Variants in TAFA1 observed in about 807,000 individuals in gnomAD.
The protein encoded by TAFA1 is TAFA chemokine like family member 1, also known as chemokine-like protein TAFA-1.
In TAFA1, 4 loss-of-function variants were observed where a neutral mutation model predicts 18.5. The observed-to-expected ratio is 0.22, with a 90% CI of 0.11 to 0.49. The LOEUF (loss-of-function observed/expected upper bound fraction) is 0.49. TAFA1 is among the 20% of genes least tolerant of loss of function. The pLI is 0.98. For synonymous variants in TAFA1, 56 were observed against 55.2 expected, an observed-to-expected ratio of 1.01 and a Z score of -0.06; for missense variants, 147 against 169.0, an observed-to-expected ratio of 0.87 and a Z score of 0.72.
At chr3:68,110,304 A>G (rs550927932) in intron 2 of TAFA1, among the ~76,000 whole-genome samples, 1 of 152,290 alleles carries the variant, frequency 6.6e-6, no homozygotes, top group East Asian at 1.9e-4. Context: ...AAAGAACATG[A>G]GCTCATTCCT....
At chr3:68,327,667 G>A (rs1286192486) in intron 2 of TAFA1, among the ~76,000 whole-genome samples, 1 of 152,196 alleles carries the variant, frequency 6.6e-6, no homozygotes, top group Admixed American at 6.5e-5. Context: ...CACAAAGTGA[G>A]TACTCAACAA....
At chr3:68,533,947 G>A (rs1246380097) in intron 3 of TAFA1, among the ~76,000 whole-genome samples, 2 of 152,236 alleles carry the variant, frequency 1.3e-5, no homozygotes, top group East Asian at 3.9e-4. Context: ...CATGTAACAT[G>A]TCAATCAGAA....
rs547628636 is a variant in TAFA1 at position 68,131,324 on chromosome 3, C to T, written c.118+124580C>T. 4.1e-4 allele frequency among the ~76,000 whole-genome samples: 63 copies of T among 152,218 alleles called. No individual in the cohort carries two copies. The East Asian group carries it at 4.6e-3, about 11-fold the overall frequency. Reference sequence around the variant, plus strand: ...CTCTGAACACACAGACACACGCACACGCACGCACACACACACATAAGAGGA... The same window carrying T: ...CTCTGAACACACAGACACACGCACATGCACGCACACACACACATAAGAGGA... On this transcript the variant is annotated intron_variant, in intron 2 of 4. Transcript: ENST00000478136.
chr3:68,206,567 A>G (rs77060863), intron 2 of TAFA1, among the ~76,000 whole-genome samples: 135 of 152,054 alleles, frequency 8.9e-4, no homozygotes, highest in African/African-American at 3.2e-3. Flanking sequence ...TATGAGAATA[A>G]AAAATAATGA....
chr3:68,406,765 T>G (rs1424855717), intron 2 of TAFA1, among the ~76,000 whole-genome samples: 1 of 152,224 alleles, frequency 6.6e-6, no homozygotes, highest in Non-Finnish European at 1.5e-5. Flanking sequence ...ATCCATTACA[T>G]GAGTTCCCTT....
intron 2 of TAFA1, among the ~76,000 whole-genome samples, chr3:68,122,712 C>A (rs1394766569): frequency 6.6e-6 from 1 of 151,882 alleles, no homozygotes. Context: ...ATAAATAGAA[C>A]TTGAAATAAA....
chr3:68,461,091 G>A (rs1303000880), intron 3 of TAFA1, among the ~76,000 whole-genome samples: 4 of 151,912 alleles, frequency 2.6e-5, no homozygotes, highest in African/African-American at 7.2e-5. Flanking sequence ...AGACCAGCTT[G>A]ACCAACATAG....
At chr3:68,426,910 A>G (rs1008507118) in intron 3 of TAFA1, among the ~76,000 whole-genome samples, 2 of 151,910 alleles carry the variant, frequency 1.3e-5, no homozygotes, top group Non-Finnish European at 2.9e-5. Flanking sequence ...TGTTATTTTA[A>G]TGTGAAAACT....
At chr3:68,164,854 C>T (rs570138757) in intron 2 of TAFA1, among the ~76,000 whole-genome samples, 1 of 152,242 alleles carries the variant, frequency 6.6e-6, no homozygotes, top group Admixed American at 6.5e-5. Flanking sequence ...GTATAAACAC[C>T]TCTGCATATC....
At chr3:68,366,895 G>T (rs2069583681) in intron 2 of TAFA1, among the ~76,000 whole-genome samples, 1 of 152,132 alleles carries the variant, frequency 6.6e-6, no homozygotes, top group Non-Finnish European at 1.5e-5. Flanking sequence ...TCTATCTAGA[G>T]CCTGATCATG....
intron 2 of TAFA1, among the ~76,000 whole-genome samples, chr3:68,223,916 G>T (rs566226820): frequency 1.3e-5 from 2 of 151,610 alleles, no homozygotes; most frequent in East Asian, 1.9e-4. Flanking sequence ...CCATGTTTAT[G>T]TGACTACCTC....
chr3:68,175,192 C>T (rs1167695390), intron 2 of TAFA1, among the ~76,000 whole-genome samples: 1 of 152,182 alleles, frequency 6.6e-6, no homozygotes, highest in East Asian at 1.9e-4. Context: ...GGCGCAGGGC[C>T]CTCATGCAGA....
intron 2 of TAFA1, among the ~76,000 whole-genome samples, chr3:68,400,753 C>G (rs2070470978): frequency 6.6e-6 from 1 of 152,086 alleles, no homozygotes; most frequent in African/African-American, 2.4e-5. Flanking sequence ...TAATTAATTC[C>G]TAACTACACA....
At chr3:68,402,371 C>A (rs192483552) in intron 2 of TAFA1, among the ~76,000 whole-genome samples, 1 of 152,182 alleles carries the variant, frequency 6.6e-6, no homozygotes. Context: ...CGGCCTTAGA[C>A]TTCTGATCAC....
chr3:68,350,192 T>G (rs1042184716), intron 2 of TAFA1, among the ~76,000 whole-genome samples: 1 of 152,156 alleles, frequency 6.6e-6, no homozygotes, highest in African/African-American at 2.4e-5. Flanking sequence ...CTTTGTTTGA[T>G]GAAGCACTGC....
At chr3:68,387,713 T>C (rs2070134717) in intron 2 of TAFA1, among the ~76,000 whole-genome samples, 3 of 152,116 alleles carry the variant, frequency 2.0e-5, no homozygotes, top group Non-Finnish European at 4.4e-5. Context: ...TTCTCTGCTG[T>C]AGTCAAAGAT....
At chr3:68,254,281 T>A (rs2067256451) in intron 2 of TAFA1, among the ~76,000 whole-genome samples, 1 of 152,090 alleles carries the variant, frequency 6.6e-6, no homozygotes, top group South Asian at 2.1e-4. Flanking sequence ...AATATTAGAA[T>A]ATGGGACAAA....
intron 3 of TAFA1, among the ~76,000 whole-genome samples, chr3:68,450,719 C>T (rs1005820252): frequency 9.9e-5 from 15 of 152,164 alleles, no homozygotes; most frequent in African/African-American, 3.6e-4. Flanking sequence ...TGTATAGTTG[C>T]TCTTAGTGAA....
intron 2 of TAFA1, among the ~76,000 whole-genome samples, chr3:68,257,986 C>G (rs1012110127): frequency 1.3e-5 from 2 of 152,046 alleles, no homozygotes; most frequent in Admixed American, 6.6e-5. Flanking sequence ...CTCTTCGAAA[C>G]TCTCAAGGTC....
Sources: allele counts gnomAD v4.1 joint callset (sites outside exome capture counted in the v4.1 genomes callset), GRCh38; gene constraint gnomAD v4.1.1; transcripts MANE v1.5; gene names NCBI Gene and HGNC (gene_info 2026-07-23, HGNC 2026-07-21).